The following CNTN6 variants were observed in gnomAD, a reference collection of about 807,000 sequenced individuals.
CNTN6 encodes the protein contactin-6.
Under a neutral mutation model 122.8 loss-of-function variants are expected in CNTN6, and 137 were observed. The observed-to-expected ratio is 1.12, with a 90% CI of 0.97 to 1.29. The LOEUF is 1.29. Among genes scored for constraint, CNTN6 ranks in the 50% most tolerant of loss-of-function variants. The probability of loss-of-function intolerance (pLI) is 0.00; values close to 1 mark genes in which losing one functional copy is unlikely to be tolerated. For synonymous variants in CNTN6, 570 were observed against 426.0 expected, an observed-to-expected ratio of 1.34 and a Z score of -4.16; for missense variants, 1,634 against 1,223.4, an observed-to-expected ratio of 1.34 and a Z score of -5.01.
intron 11 of CNTN6, among the ~76,000 whole-genome samples, chr3:1,351,156 T>C (rs551347077): frequency 6.6e-6 from 1 of 152,054 alleles, no homozygotes; most frequent in Non-Finnish European, 1.5e-5. Context: ...AAATCCAACG[T>C]CAGAAGCTGG....
At chr3:1,395,052 A>G (rs1251075176) in intron 20 of CNTN6, among the ~76,000 whole-genome samples, 1 of 152,152 alleles carries the variant, frequency 6.6e-6, no homozygotes, top group Non-Finnish European at 1.5e-5. Context: ...TCTAGTTTCA[A>G]TAGCTCTTAA....
chr3:1,257,734 G>C (rs2094782991), intron 4 of CNTN6, among the ~76,000 whole-genome samples: 1 of 152,148 alleles, frequency 6.6e-6, no homozygotes, highest in Non-Finnish European at 1.5e-5. Flanking sequence ...TAGAACACTA[G>C]CTGGTGAGAG....
chr3:1,213,557 A>G (rs1477506513), intron 2 of CNTN6, among the ~76,000 whole-genome samples: 1 of 151,960 alleles, frequency 6.6e-6, no homozygotes, highest in Non-Finnish European at 1.5e-5. Flanking sequence ...TAAAAAACCT[A>G]TCTCCAATAA....
chr3:1,370,599 T>C (rs1379573692), intron 12 of CNTN6, among the ~76,000 whole-genome samples: 1 of 152,082 alleles, frequency 6.6e-6, no homozygotes, highest in African/African-American at 2.4e-5. Flanking sequence ...GCCTGTAATC[T>C]CAGCACTTGG....
intron 20 of CNTN6, among the ~76,000 whole-genome samples, chr3:1,397,095 C>A (rs1163077266): frequency 6.6e-6 from 1 of 152,186 alleles, no homozygotes; most frequent in East Asian, 1.9e-4. Context: ...GTCATCTACT[C>A]AAGAGATAGT....
At chr3:1,316,717 T>G (rs1700146273) in intron 7 of CNTN6, among the ~76,000 whole-genome samples, 1 of 150,582 alleles carries the variant, frequency 6.6e-6, no homozygotes, top group African/African-American at 2.4e-5. Context: ...TAGTAAACCT[T>G]ATTGTAATTG....
chr3:1,385,532 T>G, intron 19 of CNTN6, 79 bp from the exon 20 acceptor site: 2 of 1,129,636 alleles, frequency 1.8e-6, no homozygotes, highest in Admixed American at 4.6e-5. Context: ...CTTGTGGTTG[T>G]GGTTGATAGT....
intron 3 of CNTN6, 93 bp downstream of exon 3, chr3:1,220,906 T>A: frequency 2.2e-6 from 3 of 1,371,006 alleles, no homozygotes; most frequent in Non-Finnish European, 2.9e-6. Flanking sequence ...ATGTCCTAAT[T>A]TGTAGTGTAC....
At chr3:1,268,300 C>T (rs114501660) in intron 4 of CNTN6, among the ~76,000 whole-genome samples, 4,135 of 152,238 alleles carry the variant, frequency 0.027, 198 homozygotes, top group African/African-American at 0.095. Context: ...GTTGGAGAAA[C>T]ATTCTCTGGC....
intron 2 of CNTN6, among the ~76,000 whole-genome samples, chr3:1,179,805 T>A (rs1477861086): frequency 6.6e-6 from 1 of 152,170 alleles, no homozygotes; most frequent in Admixed American, 6.5e-5. Context: ...GAGCCTATTC[T>A]GGGTGCAAAT....
chr3:1,391,974 T>C (rs1576060890), intron 20 of CNTN6, among the ~76,000 whole-genome samples: 1 of 152,126 alleles, frequency 6.6e-6, no homozygotes, highest in East Asian at 1.9e-4. Context: ...AAAATGGCCA[T>C]ACTGCCCAAG....
chr3:1,296,334 G>A (rs937725096), intron 6 of CNTN6, among the ~76,000 whole-genome samples: 4 of 152,028 alleles, frequency 2.6e-5, no homozygotes, highest in African/African-American at 7.3e-5. Context: ...TGAAACACAA[G>A]ATTTATACTA....
intron 11 of CNTN6, among the ~76,000 whole-genome samples, chr3:1,332,608 C>A (rs1702479208): frequency 6.6e-6 from 1 of 151,806 alleles, no homozygotes; most frequent in African/African-American, 2.4e-5. Flanking sequence ...AGAAGGGTCA[C>A]TGCTGTTTAC....
At chr3:1,123,618 A>G (rs975685449) in intron 1 of CNTN6, among the ~76,000 whole-genome samples, 3 of 151,954 alleles carry the variant, frequency 2.0e-5, no homozygotes, top group African/African-American at 7.2e-5. Flanking sequence ...AGATTATGCA[A>G]TCTGCAAATG....
In CNTN6 at chr3:1,385,595, G is replaced by A. The variant is rs1692759227; in HGVS notation, c.2518-16G>A. 3 of 1,571,352 alleles carry A rather than the reference G, an allele frequency of 1.9e-6. No individual in the cohort carries two copies. Among genetic ancestry groups the A allele is most frequent in the Non-Finnish European group, 2.6e-6 (3 of 1,161,170 alleles). On this transcript the variant is annotated splice_polypyrimidine_tract_variant and intron_variant, in intron 19 of 22. Transcript: ENST00000446702. Reference sequence around the variant, plus strand: ...TGGGGAACAATAAATTGCTTGTTTTGGTTTTTAATTATCAGGTCTTATACT... The same window carrying A: ...TGGGGAACAATAAATTGCTTGTTTTAGTTTTTAATTATCAGGTCTTATACT...
At chr3:1,284,301 A>G (rs1163673010) in intron 5 of CNTN6, among the ~76,000 whole-genome samples, 1 of 151,386 alleles carries the variant, frequency 6.6e-6, no homozygotes, top group Non-Finnish European at 1.5e-5. Context: ...GAGGAAAATT[A>G]TGTAGAGAAA....
chr3:1,372,510 G>A, intron 13 of CNTN6, 36 bp downstream of exon 13: 2 of 1,515,074 alleles, frequency 1.3e-6, no homozygotes, highest in Non-Finnish European at 1.8e-6. Context: ...TTAATAAAAT[G>A]AATCAAGTCT....
At chr3:1,218,356 C>A (rs73002316) in intron 2 of CNTN6, among the ~76,000 whole-genome samples, 2 of 152,004 alleles carry the variant, frequency 1.3e-5, no homozygotes, top group Admixed American at 1.3e-4. Flanking sequence ...TGTGAGAAAG[C>A]GAGAAAGCTA....
chr3:1,159,751 ACT>A (rs1419538322), intron 2 of CNTN6, among the ~76,000 whole-genome samples: 1 of 152,100 alleles, frequency 6.6e-6, no homozygotes, highest in Non-Finnish European at 1.5e-5. Flanking sequence ...TTTAAAAAAT[ACT>A]GTTACTACAA....
Sources: allele counts gnomAD v4.1 joint callset (sites outside exome capture counted in the v4.1 genomes callset), GRCh38; gene constraint gnomAD v4.1.1; transcripts MANE v1.5; gene names NCBI Gene and HGNC (gene_info 2026-07-23, HGNC 2026-07-21).